Variants in CD2AP observed in about 807,000 individuals in gnomAD.
CD2AP encodes the protein CD2-associated protein.
A neutral mutation model predicts 85.1 loss-of-function variants in CD2AP; 46 were observed. The ratio of observed to expected loss-of-function variants is 0.54; its 90% confidence interval spans 0.43 to 0.69. The LOEUF (loss-of-function observed/expected upper bound fraction) is 0.69. Ranked by LOEUF, CD2AP falls within the 30% of genes least tolerant of loss-of-function variation. The pLI, the probability that CD2AP is intolerant of heterozygous loss-of-function variation, is 0.00. For synonymous variants in CD2AP, 255 were observed against 252.9 expected, an observed-to-expected ratio of 1.01 and a Z score of -0.08; for missense variants, 769 against 729.5, an observed-to-expected ratio of 1.05 and a Z score of -0.62.
chr6:47,588,334 C>A (rs1192579143), intron 11 of CD2AP, among the ~76,000 whole-genome samples: 1 of 152,114 alleles, frequency 6.6e-6, no homozygotes, highest in Non-Finnish European at 1.5e-5. Context: ...TGTATAGATA[C>A]CTGTACCTTA....
chr6:47,510,509 T>G (rs1260703923), intron 2 of CD2AP, among the ~76,000 whole-genome samples: 1 of 152,104 alleles, frequency 6.6e-6, no homozygotes, highest in East Asian at 1.9e-4. Context: ...TGGGCCTGTG[T>G]CAAAGGGACT....
chr6:47,565,353 C>T (rs1005737896), intron 5 of CD2AP, among the ~76,000 whole-genome samples: 1 of 152,078 alleles, frequency 6.6e-6, no homozygotes, highest in African/African-American at 2.4e-5. Context: ...ATATACTTAA[C>T]CCTTCTTATT....
At chr6:47,602,760 G>T (rs1769174232) in intron 13 of CD2AP, among the ~76,000 whole-genome samples, 1 of 151,576 alleles carries the variant, frequency 6.6e-6, no homozygotes, top group South Asian at 2.1e-4. Context: ...ATGATGGTGT[G>T]CACCTGTAGT....
intron 5 of CD2AP, among the ~76,000 whole-genome samples, chr6:47,556,873 A>G (rs1003562541): frequency 5.9e-5 from 9 of 152,106 alleles, no homozygotes; most frequent in African/African-American, 1.9e-4. Flanking sequence ...TGGTATTTCT[A>G]GTTCTAGATC....
chr6:47,480,524 A>T (rs115629636), intron 1 of CD2AP, among the ~76,000 whole-genome samples: 1 of 152,142 alleles, frequency 6.6e-6, no homozygotes, highest in African/African-American at 2.4e-5. Context: ...CTTGAGGTCA[A>T]ATTCTCTTCT....
At chr6:47,534,662 A>C (rs1766977941) in intron 3 of CD2AP, among the ~76,000 whole-genome samples, 1 of 152,174 alleles carries the variant, frequency 6.6e-6, no homozygotes, top group Admixed American at 6.5e-5. Context: ...ATTGCACTCC[A>C]GTCTCTGCTC....
At chr6:47,529,453 G>A (rs897555640) in intron 2 of CD2AP, among the ~76,000 whole-genome samples, 9 of 152,064 alleles carry the variant, frequency 5.9e-5, no homozygotes, top group East Asian at 3.9e-4. Context: ...TGTGCCTTGC[G>A]ATGGAATGGT....
chr6:47,608,039 T>C lies in CD2AP; in HGVS notation c.1632+11T>C. 6.3e-7 allele frequency: 1 copy of C among 1,581,834 alleles called. No individual in the cohort carries two copies. Among genetic ancestry groups the C allele is most frequent in the Non-Finnish European group, 8.7e-7 (1 of 1,151,138 alleles). Reference sequence around the variant, plus strand: ...TGCTACTCTCCAAAGGTGAGGTGCATTGTGGTCTAAGGTTTGTTGACTTTC... The same window carrying C: ...TGCTACTCTCCAAAGGTGAGGTGCACTGTGGTCTAAGGTTTGTTGACTTTC... On this transcript the variant is annotated intron_variant, in intron 15 of 17. Transcript: ENST00000359314.
intron 10 of CD2AP, 113 bp downstream of exon 10, chr6:47,581,013 A>G (rs530462542): frequency 2.9e-4 from 219 of 765,812 alleles, no homozygotes; most frequent in Middle Eastern, 7.3e-4. Flanking sequence ...ATGTCTGTAA[A>G]CATTTTTAGA....
chr6:47,579,540 C>T, intron 9 of CD2AP, 51 bp downstream of exon 9: 1 of 1,208,180 alleles, frequency 8.3e-7, no homozygotes, highest in South Asian at 1.3e-5. Context: ...CATTTTGCCA[C>T]TATTCTTTTG....
intron 11 of CD2AP, among the ~76,000 whole-genome samples, chr6:47,586,563 A>G (rs757924573): frequency 6.6e-6 from 1 of 152,226 alleles, no homozygotes; most frequent in Non-Finnish European, 1.5e-5. Context: ...ATAACTGTCA[A>G]CCTATAGTTT....
At chr6:47,541,399 C>T (rs997172625) in intron 3 of CD2AP, among the ~76,000 whole-genome samples, 5 of 152,232 alleles carry the variant, frequency 3.3e-5, no homozygotes, top group East Asian at 1.9e-4. Context: ...GCTGGGATTA[C>T]AGGCATGAGC....
chr6:47,508,283 C>T (rs931259208), intron 2 of CD2AP, among the ~76,000 whole-genome samples: 8 of 152,208 alleles, frequency 5.3e-5, no homozygotes, highest in African/African-American at 1.4e-4. Flanking sequence ...GCTAGATCTT[C>T]TGGTTAACTT....
intron 11 of CD2AP, among the ~76,000 whole-genome samples, chr6:47,589,006 CTT>C (rs1268467005): frequency 3.3e-5 from 5 of 151,942 alleles, no homozygotes; most frequent in Non-Finnish European, 7.4e-5. Context: ...CTGCTGAAGA[CTT>C]TGAGATATAT....
intron 4 of CD2AP, 88 bp from the exon 5 acceptor site, chr6:47,554,558 G>C (rs1767623915): frequency 7.2e-7 from 1 of 1,397,892 alleles, no homozygotes; most frequent in Admixed American, 1.7e-5. Flanking sequence ...TTTTGTGCCT[G>C]TTTGCTTTTG....
chr6:47,579,508 A>G lies in CD2AP; in HGVS notation c.1008+19A>G, dbSNP rs200545750. On this transcript the variant is annotated intron_variant, in intron 9 of 17. Coordinates refer to ENST00000359314, the MANE Select transcript of CD2AP (RefSeq NM_012120.3). ...CTTTCCAGTAAGCTTTTGTTTTTCA[A>G]TGATGATAATACTTGAAAGAACATT... The G allele has an allele frequency of 3.5e-5, 49 of 1,401,924 alleles. No individual in the cohort carries two copies. The highest frequency in any genetic ancestry group is 1.8e-4 in the Middle Eastern group (1 of 5,660). The allele number at this position is 1,401,924 out of a possible 1,614,324, so 86.8% of individuals were successfully genotyped here. A position where few individuals can be genotyped will look rare whatever the true frequency, so the allele number is the denominator to read the frequency against.
At chr6:47,489,692 G>T (rs1448421248) in intron 1 of CD2AP, among the ~76,000 whole-genome samples, 1 of 152,130 alleles carries the variant, frequency 6.6e-6, no homozygotes, top group African/African-American at 2.4e-5. Flanking sequence ...CATTCTTCAG[G>T]TTCAGGAAAT....
intron 2 of CD2AP, among the ~76,000 whole-genome samples, chr6:47,518,455 A>G (rs192697628): frequency 6.6e-6 from 1 of 152,330 alleles, no homozygotes; most frequent in African/African-American, 2.4e-5. Flanking sequence ...AATTTAGTAT[A>G]ATTAATAATG....
intron 4 of CD2AP, among the ~76,000 whole-genome samples, chr6:47,546,599 A>C (rs1767370902): frequency 6.6e-6 from 1 of 152,182 alleles, no homozygotes; most frequent in African/African-American, 2.4e-5. Context: ...AAGTTTAAAA[A>C]ACATATTTGG....
Sources: gnomAD v4.1 joint callset for allele counts (sites outside exome capture counted in the v4.1 genomes callset) on GRCh38, gnomAD v4.1.1 for gene constraint, MANE v1.5 for transcripts, NCBI Gene and HGNC (gene_info 2026-07-23, HGNC 2026-07-21) for gene names.